Variants in IGSF22 observed in about 807,000 individuals in gnomAD.
IGSF22 encodes immunoglobulin superfamily, member 22.
IGSF22 carries 119 observed loss-of-function variants against 127.0 expected under a neutral mutation model. The ratio of observed to expected loss-of-function variants is 0.94; its 90% confidence interval spans 0.81 to 1.09. IGSF22 has a LOEUF of 1.09. Among genes scored for constraint, IGSF22 ranks in the 50% least tolerant of loss-of-function variants. The probability of loss-of-function intolerance (pLI) is 0.00; values close to 1 mark genes in which losing one functional copy is unlikely to be tolerated. For synonymous variants in IGSF22, 568 were observed against 664.7 expected, an observed-to-expected ratio of 0.85 and a Z score of 2.24; for missense variants, 1,518 against 1,716.6, an observed-to-expected ratio of 0.88 and a Z score of 2.04.
chr11:18,712,512 C>T lies in IGSF22; in HGVS notation c.2096-128G>A, dbSNP rs555806310. On this transcript the variant is annotated intron_variant, in intron 14 of 22. Transcript: ENST00000513874. ...TTTGAGCTTTTTGGATCCTTTGCCC[C>T]TCCCTGTGTCCACCATCCCTCCTTC... 23 of 787,170 alleles carry T rather than the reference C, an allele frequency of 2.9e-5. 1 individual carries two copies. The South Asian group carries it at 4.0e-4, about 14-fold the overall frequency. 48.8% of individuals were successfully genotyped at this position (787,170 alleles called of 1,614,324 possible).
At chr11:18,704,859 C>T in intron 22 of IGSF22, 1 of 306,558 alleles carries the variant, frequency 3.3e-6, no homozygotes, top group Non-Finnish European at 6.3e-6. Flanking sequence ...ATTTGCTGTG[C>T]TTACAAGCAG....
rs1317615208 is a variant in IGSF22 at position 18,718,646 on chromosome 11, T to C, written c.779A>G (p.Lys260Arg). ...TVVFDCIMEL[K>R]DPNVKMIWIK... Reference sequence around the variant, plus strand: ...CCATATCATCTTGACATTGGGGTCTTTCAGTTCCATTATGCAGTCAAAGAC... The same window carrying C: ...CCATATCATCTTGACATTGGGGTCTCTCAGTTCCATTATGCAGTCAAAGAC... Residue 260 changes from lysine (K) to arginine (R), a missense_variant, in exon 8 of 23, where the codon AAA becomes AGA. Physicochemically the swap from Lys to Arg is conservative, Grantham distance 26. Coordinates refer to ENST00000513874, the MANE Select transcript of IGSF22 (RefSeq NM_173588.4). 6.2e-7 allele frequency: 1 copy of C among 1,613,018 alleles called. No individual in the cohort carries two copies. The highest frequency in any genetic ancestry group is 8.5e-7 in the Non-Finnish European group (1 of 1,178,932).
rs767545618 is a variant in IGSF22 at position 18,719,842 on chromosome 11, C to T, written c.570G>A (p.Glu190=). The change falls in exon 7 of 23, where the codon GAG becomes GAA. Residue 190 remains glutamate, a synonymous_variant. Coordinates refer to ENST00000513874, the MANE Select transcript of IGSF22 (RefSeq NM_173588.4). ...GCACTTTGGACAAAATCTCCAGCAT[C>T]TCTTTCTCATTTGCCACCTTCTTCT... ...KKQKKVANEK[E]MLEILSKVPK... is the part of the protein sequence containing the mutation. 5.0e-6 allele frequency: 8 copies of T among 1,614,098 alleles called. No individual in the cohort carries two copies. The Admixed American group carries it at 5.0e-5, about 10-fold the overall frequency.
intron 7 of IGSF22, 117 bp from the exon 8 acceptor site, chr11:18,718,845 A>G: frequency 1.5e-6 from 1 of 679,898 alleles, no homozygotes; most frequent in Non-Finnish European, 2.7e-6. Context: ...TAGGCTCATT[A>G]GATAACAACG....
chr11:18,704,565 A>G (rs1454047643), intron 22 of IGSF22, 27 bp from the exon 23 acceptor site: 12 of 1,407,248 alleles, frequency 8.5e-6, no homozygotes, highest in African/African-American at 1.4e-5. Flanking sequence ...AGTATTCGTT[A>G]TATTAATGAT....
chr11:18,717,421 C>A (rs1171180703), intron 9 of IGSF22, among the ~76,000 whole-genome samples: 1 of 64,206 alleles, frequency 1.6e-5, no homozygotes, highest in Non-Finnish European at 3.2e-5. Context: ...CCAGAGTCTG[C>A]GTTCTTTTTT....
At chr11:18,717,680 G>A (rs1459927837) in intron 9 of IGSF22, among the ~76,000 whole-genome samples, 2 of 152,122 alleles carry the variant, frequency 1.3e-5, no homozygotes, top group African/African-American at 2.4e-5. Flanking sequence ...TTACAGGTAT[G>A]AGCCACCACG....
At position 18,715,396 on chromosome 11, in the gene IGSF22, G is replaced by T. The variant is rs191556337; in HGVS notation, c.1531+36C>A. ...CTGTAAGGGAATGCCAGGGTCAGGG[G>T]GATTGGTCAGTGGGGATTGATAGGG... On this transcript the variant is annotated intron_variant, in intron 11 of 22. Coordinates refer to ENST00000513874, the MANE Select transcript of IGSF22 (RefSeq NM_173588.4). 2.0e-3 allele frequency: 3,202 copies of T among 1,582,262 alleles called. 5 individuals carry two copies. Among genetic ancestry groups the T allele is most frequent in the Non-Finnish European group, 2.6e-3 (2,978 of 1,165,092 alleles).
At position 18,715,494 on chromosome 11, in the gene IGSF22, A is replaced by G; in HGVS notation, c.1469T>C (p.Val490Ala). The G allele has an allele frequency of 6.2e-7, 1 of 1,613,916 alleles. No homozygotes were observed. Residue 490 changes from valine (V) to alanine (A), a missense_variant, in exon 11 of 23, where the codon GTG becomes GCG. Coordinates refer to ENST00000513874, the MANE Select transcript of IGSF22 (RefSeq NM_173588.4). ...AGGGTCTCCATCCTGCATGGCCACC[A>G]CAGTGTACTCGCCACCATCACTGAG... ...AQLSDGGEYT[V>A]VAMQDGDPTE...
intron 11 of IGSF22, 28 bp from the exon 12 acceptor site, chr11:18,714,652 G>A (rs750266957): frequency 6.2e-7 from 1 of 1,611,966 alleles, no homozygotes; most frequent in Non-Finnish European, 8.5e-7. Flanking sequence ...CAAGGGACTG[G>A]CTCAGGATGT....
intron 19 of IGSF22, 51 bp from the exon 20 acceptor site, chr11:18,708,047 G>T (rs767724520): frequency 5.6e-6 from 9 of 1,601,922 alleles, no homozygotes; most frequent in Non-Finnish European, 6.8e-6. Context: ...GATATTTGGG[G>T]GCAGGCCTTC....
chr11:18,718,959 C>T (rs1848513276), intron 7 of IGSF22, among the ~76,000 whole-genome samples: 2 of 152,210 alleles, frequency 1.3e-5, no homozygotes, highest in South Asian at 4.1e-4. Flanking sequence ...TACCTGGGCC[C>T]ATTATATAGA....
chr11:18,704,872 T>G (rs542364977), intron 22 of IGSF22: 2 of 294,528 alleles, frequency 6.8e-6, no homozygotes, highest in Non-Finnish European at 1.3e-5. Context: ...ACAAGCAGAT[T>G]TGAGTTATCA....
rs1432595699 is a variant in IGSF22 at position 18,707,065 on chromosome 11, G to C, written c.3429C>G (p.Tyr1143Ter). The C allele has an allele frequency of 6.4e-7, 1 of 1,551,724 alleles. No individual in the cohort carries two copies. Among genetic ancestry groups the C allele is most frequent in the South Asian group, 1.2e-5 (1 of 84,056 alleles). Residue 1143 changes from tyrosine to a stop codon, truncating the protein, a stop_gained, in exon 21 of 23, where the codon TAC (tyrosine) becomes TAG (stop). Transcript: ENST00000513874. LOFTEE classifies it high-confidence loss of function. ...TGCTGAAGACACGCTCGGCTGCCGT[G>C]TACCAGGTGGCTGTGCTTGCATCCC... is the stretch of plus-strand genomic sequence containing the variant. ...MKRDASTATWYTAAERVFSNK... is the reference protein window; with the variant it reads ...MKRDASTATW
At position 18,709,961 on chromosome 11, in the gene IGSF22, C is replaced by T. The variant is rs1205109066; in HGVS notation, c.2702-278G>A. 6.6e-6 allele frequency among the ~76,000 whole-genome samples: 1 copy of T among 152,180 alleles called. No homozygotes were observed. The highest frequency in any genetic ancestry group is 1.5e-5 in the Non-Finnish European group (1 of 68,036). ...CTGTATTCAAAACCCCAGCCTTTAA[C>T]CCAACCATCTCCACCACATCCACTT... On this transcript the variant is annotated intron_variant, in intron 17 of 22. Transcript: ENST00000513874. The surrounding 1 kb of genome is among the most constrained non-coding windows in gnomAD (Gnocchi z 4.8).
intron 14 of IGSF22, among the ~76,000 whole-genome samples, chr11:18,713,438 CTATAG>C: frequency 6.6e-6 from 1 of 152,336 alleles, no homozygotes; most frequent in Middle Eastern, 3.4e-3. Flanking sequence ...TAGGTGTGAG[CTATAG>C]GTGAGCTATA....
chr11:18,710,926 A>G, intron 15 of IGSF22, 98 bp from the exon 16 acceptor site: 1 of 1,023,092 alleles, frequency 9.8e-7, no homozygotes, highest in Non-Finnish European at 1.5e-6. Flanking sequence ...AAATAAACTC[A>G]AACCAGTGAT....
In IGSF22 at chr11:18,707,076, C is replaced by G; in HGVS notation, c.3418G>C (p.Ala1140Pro). 6.4e-7 allele frequency: 1 copy of G among 1,551,706 alleles called. No homozygotes were observed. The highest frequency in any genetic ancestry group is 8.7e-7 in the Non-Finnish European group (1 of 1,146,978). Residue 1140 changes from alanine (A) to proline (P), a missense_variant, in exon 21 of 23, where the codon GCC (alanine) becomes CCC (proline). By Grantham distance (27) the Ala-to-Pro change is conservative (BLOSUM62 -1). Coordinates refer to ENST00000513874, the MANE Select transcript of IGSF22 (RefSeq NM_173588.4). ...CGCTCGGCTGCCGTGTACCAGGTGGCTGTGCTTGCATCCCGCTTCATGATG... is the reference window on the plus strand; with the variant it reads ...CGCTCGGCTGCCGTGTACCAGGTGGGTGTGCTTGCATCCCGCTTCATGATG... ...YIIMKRDAST[A>P]TWYTAAERVF...
intron 8 of IGSF22, 121 bp downstream of exon 8, chr11:18,718,494 A>G: frequency 1.3e-6 from 1 of 747,678 alleles, no homozygotes; most frequent in South Asian, 1.5e-5. Context: ...GCCTCTTTCA[A>G]CCATACCAGG....
Sources: gnomAD v4.1 joint callset for allele counts (sites outside exome capture counted in the v4.1 genomes callset) on GRCh38, gnomAD v4.1.1 for gene constraint, Gnocchi (gnomAD v3.1) non-coding constraint, MANE v1.5 for transcripts, NCBI Gene and HGNC (gene_info 2026-07-23, HGNC 2026-07-21) for gene names.